Variants in FOCAD observed in about 807,000 individuals in gnomAD.
FOCAD encodes KIAA1797.
In FOCAD, 198 loss-of-function variants were observed where a neutral mutation model predicts 225.6. The ratio of observed to expected loss-of-function variants is 0.88; its 90% CI spans 0.78 to 0.99. FOCAD has a LOEUF of 0.99. Among genes scored for constraint, FOCAD ranks in the 50% least tolerant of loss-of-function variants. FOCAD has a pLI of 0.00. For missense variants in FOCAD, 2,713 were observed against 2,123.6 expected, an observed-to-expected ratio of 1.28 and a Z score of -5.46; for synonymous variants, 897 against 755.0, an observed-to-expected ratio of 1.19 and a Z score of -3.08.
intron 15 of FOCAD, among the ~76,000 whole-genome samples, chr9:20,832,682 C>T (rs1418925058): frequency 2.6e-5 from 4 of 151,942 alleles, no homozygotes; most frequent in Non-Finnish European, 4.4e-5. Context: ...CCATCCCTGC[C>T]TCCCTACCAG....
At position 20,831,292 on chromosome 9, in the gene FOCAD, G is replaced by T. The variant is rs538062960; in HGVS notation, c.1920+8177G>T. On this transcript the variant is annotated intron_variant, in intron 15 of 43. Coordinates refer to ENST00000338382, the MANE Select transcript of FOCAD (RefSeq NM_001375567.1). ...ATTCATTCTCCGGTAGGAAGAGGTG[G>T]TGAGGAGAGCAAGGGAAAGTACATT... 3.9e-5 allele frequency among the ~76,000 whole-genome samples: 6 copies of T among 152,102 alleles called. 1 individual carries two copies. The highest frequency in any genetic ancestry group is 1.4e-4 in the African/African-American group (6 of 41,436).
chr9:20,744,641 A>C (rs183045179), intron 5 of FOCAD, among the ~76,000 whole-genome samples: 266 of 152,332 alleles, frequency 1.7e-3, no homozygotes, highest in African/African-American at 5.9e-3. Context: ...ACCCAGAATG[A>C]CTGAAGGGTT....
In FOCAD at chr9:20,986,437, G is replaced by C. The variant is rs780779714; in HGVS notation, c.4878G>C (p.Gln1626His). The C allele has an allele frequency of 7.4e-6, 12 of 1,611,748 alleles. No individual in the cohort carries two copies. The South Asian group carries it at 1.2e-4, about 16-fold the overall frequency. Residue 1626 changes from glutamine (Q) to histidine (H), a missense_variant, in exon 40 of 44, where the codon CAG becomes CAC. Coordinates refer to ENST00000338382, the MANE Select transcript of FOCAD (RefSeq NM_001375567.1). ...GGATGATTCTGCACAGCTTATACCA[G>C]GCACGGATTGTGAGCCATGCCAATA... ...LAWMILHSLY[Q>H]ARIVSHANTG...
intron 1 of FOCAD, among the ~76,000 whole-genome samples, chr9:20,707,176 T>C (rs1294748556): frequency 6.6e-6 from 1 of 152,204 alleles, no homozygotes; most frequent in Non-Finnish European, 1.5e-5. Context: ...CTTTCTCTGA[T>C]TATAATATTG....
chr9:20,797,552 C>T (rs1821261543), intron 11 of FOCAD, among the ~76,000 whole-genome samples: 1 of 151,992 alleles, frequency 6.6e-6, no homozygotes, highest in Non-Finnish European at 1.5e-5. Flanking sequence ...AAGTTGGATT[C>T]CTAGGTATTT....
intron 26 of FOCAD, among the ~76,000 whole-genome samples, chr9:20,926,713 G>A (rs919798124): frequency 2.0e-5 from 3 of 151,414 alleles, no homozygotes; most frequent in African/African-American, 4.9e-5. Context: ...AACCCGGGAG[G>A]CAGAGGTAAT....
intron 15 of FOCAD, 39 bp downstream of exon 15, chr9:20,823,154 A>C (rs561949270): frequency 6.3e-7 from 1 of 1,580,850 alleles, no homozygotes; most frequent in Admixed American, 1.8e-5. Flanking sequence ...TTTTGAAGAA[A>C]ATCTTTTATA....
chr9:20,912,926 C>T lies in FOCAD; in HGVS notation c.2779C>T (p.Gln927Ter). 1.2e-6 allele frequency: 2 copies of T among 1,612,926 alleles called. No homozygotes were observed. Among genetic ancestry groups the T allele is most frequent in the Non-Finnish European group, 1.7e-6 (2 of 1,179,424 alleles). ...KHGKEEPEEV[Q>*]YKKSTAWLWV... ...TGGAAAAGAAGAACCTGAGGAGGTG[C>T]AGTACAAAAAAAGCACAGCCTGGCT... The change falls in exon 23 of 44, where the codon CAG (glutamine) becomes TAG (stop). Residue 927 changes from glutamine (Q) to a stop codon, truncating the protein, a stop_gained. Transcript: ENST00000338382. LOFTEE classifies it high-confidence loss of function.
chr9:20,660,859 A>C (rs7853387), intron 2 of FOCAD, among the ~76,000 whole-genome samples: 14,222 of 152,164 alleles, frequency 0.093, 1,344 homozygotes, highest in African/African-American at 0.24. Flanking sequence ...ATGGCAGAGA[A>C]GGATATGAGA....
chr9:20,694,207 G>C (rs1823158021), intron 1 of FOCAD, among the ~76,000 whole-genome samples: 1 of 152,148 alleles, frequency 6.6e-6, no homozygotes, highest in Non-Finnish European at 1.5e-5. Flanking sequence ...CAGGTGAAAG[G>C]AATAGTCTAG....
Position 20,944,782 on chromosome 9 carries a change from A to G in FOCAD, c.3555+8A>G. ...AGCAGAACGTTTCAGGAGGTAAGAG[A>G]TGGAGGCTACATTTTTTTCCCCTCT... On this transcript the variant is annotated splice_region_variant and intron_variant, in intron 29 of 43. Coordinates refer to ENST00000338382, the MANE Select transcript of FOCAD (RefSeq NM_001375567.1). 1 of 1,605,116 alleles carries G rather than the reference A, an allele frequency of 6.2e-7. No individual in the cohort carries two copies.
chr9:20,739,614 A>AG (rs1563931041), intron 4 of FOCAD, among the ~76,000 whole-genome samples: 1 of 152,144 alleles, frequency 6.6e-6, no homozygotes, highest in African/African-American at 2.4e-5. Context: ...AAAAAAAAAA[A>AG]AAAATTACTT....
chr9:20,948,478 G>C (rs1053638135), intron 31 of FOCAD, 85 bp downstream of exon 31: 3 of 1,415,842 alleles, frequency 2.1e-6, no homozygotes, highest in Non-Finnish European at 2.9e-6. Flanking sequence ...GAGTTGCTGA[G>C]ATATATACGT....
At chr9:20,990,418 T>C (rs763431445) in intron 42 of FOCAD, 44 bp downstream of exon 42, 1 of 1,602,340 alleles carries the variant, frequency 6.2e-7, no homozygotes, top group Non-Finnish European at 8.5e-7. Context: ...GCAGCCATTG[T>C]CTCTTCAGCA....
Position 20,865,986 on chromosome 9 carries a change from C to G in FOCAD, c.2106+10C>G. The G allele has an allele frequency of 6.3e-7, 1 of 1,599,152 alleles. No homozygotes were observed. Among genetic ancestry groups the G allele is most frequent in the Non-Finnish European group, 8.5e-7 (1 of 1,171,920 alleles). ...TCATACTCAAAACAAGGTACTATCA[C>G]AAGGCTTGTCAGTGAATCAGAACAA... On this transcript the variant is annotated intron_variant, in intron 17 of 43. Coordinates refer to ENST00000338382, the MANE Select transcript of FOCAD (RefSeq NM_001375567.1).
chr9:20,713,196 G>A (rs1030852719), intron 1 of FOCAD, among the ~76,000 whole-genome samples: 1 of 152,192 alleles, frequency 6.6e-6, no homozygotes, highest in Non-Finnish European at 1.5e-5. Context: ...GTCAGTCCCT[G>A]TAGTGGCCTA....
At chr9:20,981,716 C>T in intron 38 of FOCAD, 30 bp downstream of exon 38, 1 of 1,585,680 alleles carries the variant, frequency 6.3e-7, no homozygotes, top group African/African-American at 1.4e-5. Context: ...ACATTCCTGA[C>T]AATTTATGTT....
chr9:20,878,333 A>G (rs1830399277), intron 19 of FOCAD, among the ~76,000 whole-genome samples: 1 of 152,170 alleles, frequency 6.6e-6, no homozygotes. Context: ...GTGATCTTCA[A>G]AATGTGAACT....
intron 15 of FOCAD, among the ~76,000 whole-genome samples, chr9:20,825,139 A>G (rs1287033339): frequency 7.9e-6 from 1 of 126,598 alleles, no homozygotes; most frequent in African/African-American, 3.0e-5. Context: ...AGGCTTTTCA[A>G]GCTTTGCGTG....
Sources: allele counts gnomAD v4.1 joint callset (sites outside exome capture counted in the v4.1 genomes callset), GRCh38; gene constraint gnomAD v4.1.1; transcripts MANE v1.5; gene names NCBI Gene and HGNC (gene_info 2026-07-23, HGNC 2026-07-21).